THRA: variants seen among roughly 807,000 people sequenced by gnomAD.
THRA encodes the protein thyroid hormone receptor alpha.
In THRA, 13 loss-of-function variants were observed where a neutral mutation model predicts 45.0. The observed-to-expected ratio is 0.29, with a 90% CI of 0.19 to 0.46. THRA has a LOEUF of 0.46. Ranked by LOEUF, THRA falls within the 20% of genes least tolerant of loss-of-function variation. The pLI is 1.00. For missense variants in THRA, 278 were observed against 556.1 expected, an observed-to-expected ratio of 0.50 and a Z score of 5.03; for synonymous variants, 195 against 214.0, an observed-to-expected ratio of 0.91 and a Z score of 0.78.
Position 40,089,306 on chromosome 17 carries a change from G to T in THRA, c.1083G>T (p.Pro361=), listed in dbSNP as rs751859528. 2 of 1,614,052 alleles carry T rather than the reference G, an allele frequency of 1.2e-6. No individual in the cohort carries two copies. Among genetic ancestry groups the T allele is most frequent in the Non-Finnish European group, 8.5e-7 (1 of 1,180,030 alleles). Residue 361 remains proline (P), a synonymous_variant, in exon 9 of 9, where the codon CCG becomes CCT. Coordinates refer to ENST00000450525, the MANE Select transcript of THRA (RefSeq NM_199334.5). The surrounding 1 kb of genome is among the most constrained non-coding windows in gnomAD (Gnocchi z 6.1). ...TCAACCACCGCAAACACAACATTCCGCACTTCTGGCCCAAGCTGCTGATGA... is the reference window on the plus strand; with the variant it reads ...TCAACCACCGCAAACACAACATTCCTCACTTCTGGCCCAAGCTGCTGATGA... ...HYVNHRKHNI[P]HFWPKLLMKV...
At chr17:40,073,204 C>A (rs1407403524) in intron 1 of THRA, among the ~76,000 whole-genome samples, 1 of 152,188 alleles carries the variant, frequency 6.6e-6, no homozygotes, top group Non-Finnish European at 1.5e-5. Context: ...TTGTCCCCCT[C>A]CTACCCGCCA....
At position 40,092,644 on chromosome 17, in the gene THRA, CCT is replaced by C. The variant is rs1426213943; in HGVS notation, c.*3189_*3190del. Reference sequence around the variant, plus strand: ...TGAAAATAACCCCCTTGGGCACCCCCCTTAGACTTGTGTGCTGTTTCCCTATA... The same window carrying C: ...TGAAAATAACCCCCTTGGGCACCCCCTAGACTTGTGTGCTGTTTCCCTATA... On this transcript the variant is annotated 3_prime_UTR_variant, in exon 9 of 9. Coordinates refer to ENST00000450525, the MANE Select transcript of THRA (RefSeq NM_199334.5). The C allele has an allele frequency of 5.2e-6, 1 of 192,752 alleles. No homozygotes were observed. Among genetic ancestry groups the C allele is most frequent in the African/African-American group, 2.3e-5 (1 of 42,822 alleles). The allele number at this position is 192,752 out of a possible 1,614,324, so 11.9% of individuals were successfully genotyped here. A position where few individuals can be genotyped will look rare whatever the true frequency, so the allele number is the denominator to read the frequency against.
chr17:40,065,280 ACAGT>A (rs1348874486), intron 1 of THRA, among the ~76,000 whole-genome samples: 2 of 152,046 alleles, frequency 1.3e-5, no homozygotes. Flanking sequence ...TTTCCTGGGA[ACAGT>A]CAGTCACTTC....
chr17:40,086,652 A>G, intron 6 of THRA, 55 bp from the exon 7 acceptor site: 1 of 1,586,708 alleles, frequency 6.3e-7, no homozygotes, highest in Non-Finnish European at 8.6e-7. Context: ...AGGGAGCCTC[A>G]GTGAGAGGCT....
downstream of THRA, chr17:40,093,370 A>G (rs781355253): frequency 8.1e-6 from 13 of 1,611,036 alleles, no homozygotes; most frequent in African/African-American, 2.7e-5. The surrounding 1 kb of genome is among the most constrained non-coding windows in gnomAD (Gnocchi z 5.9). Context: ...CAGGCAATGC[A>G]GCCTCTCCCT....
intron 1 of THRA, among the ~76,000 whole-genome samples, chr17:40,063,857 C>A (rs891850845): frequency 2.8e-4 from 42 of 150,186 alleles, no homozygotes; most frequent in African/African-American, 9.6e-4. Context: ...CCTTGTCCAG[C>A]GTGAAAGAAA....
At chr17:40,063,270 A>G (rs1256348919) in intron 1 of THRA, among the ~76,000 whole-genome samples, 178 bp downstream of exon 1, 1 of 152,134 alleles carries the variant, frequency 6.6e-6, no homozygotes, top group Non-Finnish European at 1.5e-5. Context: ...GGAGCTTGCA[A>G]CTGACGCCCT....
At chr17:40,079,083 G>A (rs1202080819) in intron 4 of THRA, among the ~76,000 whole-genome samples, 1 of 152,064 alleles carries the variant, frequency 6.6e-6, no homozygotes, top group Non-Finnish European at 1.5e-5. Flanking sequence ...TGGAGCCCAG[G>A]AATCTTCCTT....
chr17:40,065,731 G>A (rs1045641882), intron 1 of THRA, among the ~76,000 whole-genome samples: 2 of 146,118 alleles, frequency 1.4e-5, no homozygotes, highest in South Asian at 2.3e-4. Flanking sequence ...CCTTAGTGCC[G>A]CAGCTGTGGC....
chr17:40,088,126 G>A (rs745485437), intron 7 of THRA, 116 bp from the exon 8 acceptor site: 12 of 1,402,678 alleles, frequency 8.6e-6, no homozygotes, highest in East Asian at 2.4e-5. Flanking sequence ...AAGGTCAGCC[G>A]TTCAGAGTCC....
At chr17:40,076,585 A>G (rs936127746) in intron 2 of THRA, among the ~76,000 whole-genome samples, 1 of 152,172 alleles carries the variant, frequency 6.6e-6, no homozygotes, top group Non-Finnish European at 1.5e-5. Flanking sequence ...AAAGATGAGG[A>G]TGTCCTGCAG....
intron 6 of THRA, among the ~76,000 whole-genome samples, chr17:40,085,586 G>A (rs1402531385): frequency 2.0e-5 from 3 of 151,692 alleles, no homozygotes; most frequent in Admixed American, 6.6e-5. Context: ...CACCCGCCTC[G>A]GCCTCCCAAA....
At chr17:40,087,746 A>G (rs145347772) in intron 7 of THRA, among the ~76,000 whole-genome samples, 1 of 152,148 alleles carries the variant, frequency 6.6e-6, no homozygotes, top group Non-Finnish European at 1.5e-5. Context: ...GATGGGTGCT[A>G]ACTCACAGGC....
At chr17:40,064,574 G>A (rs1221384454) in intron 1 of THRA, among the ~76,000 whole-genome samples, 2 of 152,170 alleles carry the variant, frequency 1.3e-5, no homozygotes, top group African/African-American at 4.8e-5. Flanking sequence ...CAAAACCCTT[G>A]CTCCCAAGAA....
chr17:40,068,472 C>G (rs1055443563), intron 1 of THRA, among the ~76,000 whole-genome samples: 1 of 152,210 alleles, frequency 6.6e-6, no homozygotes, highest in African/African-American at 2.4e-5. Flanking sequence ...ACATGTGGTT[C>G]CACCTTGGTG....
intron 7 of THRA, 86 bp from the exon 8 acceptor site, chr17:40,088,156 C>T (rs36088892): frequency 0.053 from 79,897 of 1,500,578 alleles, 2,944 homozygotes; most frequent in African/African-American, 0.17. Flanking sequence ...TTGCGGGCCT[C>T]ACGGCTCCCG....
At chr17:40,093,113 C>T, downstream of THRA, 1 of 1,614,138 alleles carries the variant, frequency 6.2e-7, no homozygotes, top group Non-Finnish European at 8.5e-7. The surrounding 1 kb of genome is among the most constrained non-coding windows in gnomAD (Gnocchi z 5.9). Context: ...AGGACAGCAG[C>T]TTCTCGGAAT....
intron 5 of THRA, 182 bp from the exon 6 acceptor site, chr17:40,084,428 G>A (rs746938647): frequency 1.5e-6 from 1 of 652,108 alleles, no homozygotes; most frequent in Non-Finnish European, 2.7e-6. Flanking sequence ...TGTTGACATG[G>A]TCCCGGGGAT....
intron 4 of THRA, among the ~76,000 whole-genome samples, chr17:40,082,782 T>C (rs1472764521): frequency 6.2e-5 from 9 of 144,636 alleles, no homozygotes; most frequent in African/African-American, 2.4e-4. Flanking sequence ...TTTTTTTTTT[T>C]TTGAGATGGA....
Sources: allele counts gnomAD v4.1 joint callset (sites outside exome capture counted in the v4.1 genomes callset), GRCh38; gene constraint gnomAD v4.1.1; non-coding constraint Gnocchi (gnomAD v3.1); transcripts MANE v1.5; gene names NCBI Gene and HGNC (gene_info 2026-07-23, HGNC 2026-07-21).